Variants in CAMK2D observed in about 807,000 individuals in gnomAD.
CAMK2D encodes the protein calcium/calmodulin-dependent protein kinase type II subunit delta.
In CAMK2D, 37 loss-of-function variants were observed where a neutral mutation model predicts 84.0. The ratio of observed to expected loss-of-function variants is 0.44; its 90% confidence interval spans 0.34 to 0.58. The LOEUF (loss-of-function observed/expected upper bound fraction) is 0.58. Among genes scored for constraint, CAMK2D ranks in the 20% least tolerant of loss-of-function variants. The pLI is 0.02. For synonymous variants in CAMK2D, 202 were observed against 212.5 expected (o/e 0.95, Z 0.43); for missense variants, 448 against 652.5 (o/e 0.69, Z 3.41).
At chr4:113,527,808 T>G (rs1025965858) in intron 8 of CAMK2D, among the ~76,000 whole-genome samples, 1 of 152,196 alleles carries the variant, frequency 6.6e-6, no homozygotes, top group African/African-American at 2.4e-5. Flanking sequence ...TATAATATGA[T>G]GTTTTGATAT....
chr4:113,485,664 T>C (rs2097759326), intron 16 of CAMK2D, among the ~76,000 whole-genome samples: 2 of 152,188 alleles, frequency 1.3e-5, no homozygotes, highest in African/African-American at 4.8e-5. Context: ...CTTAAAACTT[T>C]CTGATATTCC....
chr4:113,598,343 T>C (rs2098936932), intron 4 of CAMK2D, among the ~76,000 whole-genome samples: 1 of 149,796 alleles, frequency 6.7e-6, no homozygotes, highest in Non-Finnish European at 1.5e-5. Flanking sequence ...TAAAAAAAAA[T>C]GAATGCAGAC....
intron 16 of CAMK2D, among the ~76,000 whole-genome samples, chr4:113,486,477 T>A (rs1424094933): frequency 6.6e-6 from 1 of 152,096 alleles, no homozygotes; most frequent in Admixed American, 6.6e-5. Context: ...ATATTTCAGT[T>A]TTAATATATT....
chr4:113,508,234 AC>A, intron 13 of CAMK2D: 1 of 1,547,214 alleles, frequency 6.5e-7, no homozygotes, highest in Non-Finnish European at 8.8e-7. Flanking sequence ...ATAGATCCTC[AC>A]CATCATCTGA....
chr4:113,487,465 G>T (rs1035875464), intron 16 of CAMK2D, among the ~76,000 whole-genome samples: 12 of 151,930 alleles, frequency 7.9e-5, no homozygotes, highest in African/African-American at 2.7e-4. Context: ...AATAATTTCA[G>T]AATTACATAA....
At chr4:113,616,475 T>G (rs897629836) in intron 3 of CAMK2D, among the ~76,000 whole-genome samples, 1 of 152,194 alleles carries the variant, frequency 6.6e-6, no homozygotes, top group Non-Finnish European at 1.5e-5. Context: ...GAAATCATTA[T>G]GCCTTTTATA....
chr4:113,478,792 G>A (rs887723668), intron 16 of CAMK2D, among the ~76,000 whole-genome samples: 5 of 151,910 alleles, frequency 3.3e-5, no homozygotes, highest in Non-Finnish European at 5.9e-5. Context: ...AAATACTCAC[G>A]GCCCCAAAAC....
chr4:113,716,378 G>C (rs1185268448), intron 2 of CAMK2D, among the ~76,000 whole-genome samples: 1 of 152,112 alleles, frequency 6.6e-6, no homozygotes, highest in Non-Finnish European at 1.5e-5. Flanking sequence ...GGCTGGGCAT[G>C]GTGGCTCACA....
intron 20 of CAMK2D, 32 bp from the exon 21 acceptor site, chr4:113,454,547 TTA>T (rs1215751665): frequency 2.6e-6 from 2 of 776,564 alleles, no homozygotes; most frequent in Non-Finnish European, 4.8e-6. Flanking sequence ...AAGAAATAAA[TTA>T]TATTGTTTTA....
intron 2 of CAMK2D, among the ~76,000 whole-genome samples, chr4:113,713,526 T>A (rs1280862148): frequency 6.7e-6 from 1 of 148,226 alleles, no homozygotes; most frequent in African/African-American, 2.4e-5. Context: ...TATAACAATA[T>A]TATATATAGT....
chr4:113,595,475 T>TAC (rs2098920923), intron 4 of CAMK2D, among the ~76,000 whole-genome samples: 5 of 150,470 alleles, frequency 3.3e-5, no homozygotes, highest in African/African-American at 9.8e-5. Context: ...TGTGTGTGTG[T>TAC]ACTTATGTAT....
intron 5 of CAMK2D, among the ~76,000 whole-genome samples, 167 bp downstream of exon 5, chr4:113,551,864 T>A (rs1443066209): frequency 6.6e-6 from 1 of 152,184 alleles, no homozygotes; most frequent in East Asian, 1.9e-4. Flanking sequence ...TAACTACAGA[T>A]GCTAGATAAA....
intron 2 of CAMK2D, among the ~76,000 whole-genome samples, chr4:113,731,935 T>G (rs1053719827): frequency 5.9e-5 from 9 of 152,062 alleles, no homozygotes; most frequent in African/African-American, 2.2e-4. Flanking sequence ...CCATTTGTTA[T>G]GTCCACAGCC....
At chr4:113,731,696 C>T (rs1007265968) in intron 2 of CAMK2D, among the ~76,000 whole-genome samples, 1 of 151,880 alleles carries the variant, frequency 6.6e-6, no homozygotes, top group African/African-American at 2.4e-5. Flanking sequence ...AGTGATTCCC[C>T]TGCCTCAGCC....
intron 2 of CAMK2D, among the ~76,000 whole-genome samples, chr4:113,757,119 G>C (rs778337971): frequency 1.3e-5 from 2 of 152,100 alleles, no homozygotes; most frequent in African/African-American, 2.4e-5. Flanking sequence ...GAAAAGGAAA[G>C]AGACTAAACG....
intron 16 of CAMK2D, among the ~76,000 whole-genome samples, chr4:113,487,365 C>T (rs2097775611): frequency 1.3e-5 from 2 of 152,020 alleles, no homozygotes; most frequent in South Asian, 4.2e-4. Context: ...TATAACTTTA[C>T]ATAATTTATA....
At position 113,761,602 on chromosome 4, in the gene CAMK2D, G is replaced by C; in HGVS notation, c.-534C>G. The C allele has an allele frequency of 4.1e-6, 4 of 985,138 alleles. No individual in the cohort carries two copies. The African/African-American group carries it at 7.0e-5, about 17-fold the overall frequency. The allele number at this position is 985,138 out of a possible 1,614,324, so 61.0% of individuals were successfully genotyped here. On this transcript the variant is annotated 5_prime_UTR_variant, in exon 1 of 21. Transcript: ENST00000511664. The stretch of plus-strand genomic sequence containing the variant: ...AGCAGGCTCAGGCGCGGGGCGCGCC[G>C]GGGCTCCGACGAGCGTGCGCGCCCG...
rs1200400657 is a variant in CAMK2D at position 113,704,976 on chromosome 4, A to C, written c.161-43204T>G. Among the ~76,000 whole-genome samples, 3 of 152,034 alleles carry C rather than the reference A, an allele frequency of 2.0e-5. No individual in the cohort carries two copies. The South Asian group carries it at 6.2e-4, about 32-fold the overall frequency. On this transcript the variant is annotated intron_variant, in intron 2 of 20. Transcript: ENST00000511664. The stretch of plus-strand genomic sequence containing the variant: ...TGAAGAGCAGATTTCTTTGGCGCTC[A>C]GTTGCTGTTACCAAGTTATATTTAA...
chr4:113,490,320 C>T (rs796627873), intron 16 of CAMK2D, among the ~76,000 whole-genome samples: 10 of 147,680 alleles, frequency 6.8e-5, no homozygotes, highest in Admixed American at 1.4e-4. Flanking sequence ...GATTTTTGTA[C>T]AAGGTGTAAG....
Sources: gnomAD v4.1 joint callset for allele counts (sites outside exome capture counted in the v4.1 genomes callset) on GRCh38, gnomAD v4.1.1 for gene constraint, MANE v1.5 for transcripts, NCBI Gene and HGNC (gene_info 2026-07-23, HGNC 2026-07-21) for gene names.